The following ACER3 variants were observed in gnomAD, a reference collection of about 807,000 sequenced individuals.
ACER3 encodes the protein alkCDase 3.
ACER3 carries 16 observed loss-of-function variants against 48.9 expected under a neutral mutation model. That is an observed-to-expected ratio of 0.33 (90% CI 0.22 to 0.50). The LOEUF (loss-of-function observed/expected upper bound fraction) is 0.50, where lower values mean the gene tolerates loss of function less well. Ranked by LOEUF, ACER3 falls within the 20% of genes least tolerant of loss-of-function variation. ACER3 has a pLI of 0.98. For missense variants in ACER3, 227 were observed against 326.0 expected (o/e 0.70, Z 2.34); for synonymous variants, 109 against 107.8 (o/e 1.01, Z -0.07).
intron 7 of ACER3, among the ~76,000 whole-genome samples, chr11:77,005,980 T>TATATATTATATATATATAC (rs71043529): frequency 1.5e-4 from 6 of 39,846 alleles, no homozygotes; most frequent in South Asian, 3.0e-3. Context: ...TACATATATA[T>TATATATTATATATATATAC]ATATATATAT....
At chr11:76,944,223 T>G (rs1360867353) in intron 2 of ACER3, among the ~76,000 whole-genome samples, 1 of 152,114 alleles carries the variant, frequency 6.6e-6, no homozygotes, top group East Asian at 1.9e-4. Context: ...TGTCTTTTTG[T>G]CTTTGTGGTT....
At chr11:76,898,136 C>A (rs899120973) in intron 1 of ACER3, among the ~76,000 whole-genome samples, 4 of 151,960 alleles carry the variant, frequency 2.6e-5, no homozygotes, top group Non-Finnish European at 1.5e-5. Context: ...CAAAAGTGTA[C>A]CTACCATTGC....
At chr11:76,936,812 G>C (rs976358151) in intron 2 of ACER3, among the ~76,000 whole-genome samples, 6 of 151,564 alleles carry the variant, frequency 4.0e-5, no homozygotes, top group Admixed American at 1.3e-4. Context: ...CCCCCACCTG[G>C]GTTCAGGCAG....
chr11:76,884,116 C>T (rs1221188357), intron 1 of ACER3, among the ~76,000 whole-genome samples: 1 of 152,146 alleles, frequency 6.6e-6, no homozygotes, highest in East Asian at 1.9e-4. Flanking sequence ...ATTTCTTCCC[C>T]TATTAGTTCT....
intron 2 of ACER3, among the ~76,000 whole-genome samples, chr11:76,933,280 T>A (rs186198165): frequency 3.3e-5 from 5 of 150,168 alleles, no homozygotes; most frequent in African/African-American, 1.2e-4. Flanking sequence ...ATTTTTATTT[T>A]TTTTATTTTT....
intron 1 of ACER3, among the ~76,000 whole-genome samples, chr11:76,924,912 G>A (rs1946779559): frequency 7.2e-6 from 1 of 139,284 alleles, no homozygotes; most frequent in African/African-American, 2.6e-5. Context: ...GGAGGTGGAG[G>A]TTGCAGTGAG....
At chr11:76,937,921 A>C (rs1273867330) in intron 2 of ACER3, among the ~76,000 whole-genome samples, 1 of 152,200 alleles carries the variant, frequency 6.6e-6, no homozygotes, top group Non-Finnish European at 1.5e-5. Context: ...ACGTTTATTT[A>C]CTATATGTTT....
intron 7 of ACER3, among the ~76,000 whole-genome samples, chr11:77,011,975 T>C (rs1186960480): frequency 1.3e-5 from 2 of 152,076 alleles, no homozygotes; most frequent in Non-Finnish European, 2.9e-5. Flanking sequence ...AGTCATGACA[T>C]GTATTTTTTT....
At chr11:76,972,970 C>G (rs1948345813) in intron 3 of ACER3, among the ~76,000 whole-genome samples, 1 of 152,270 alleles carries the variant, frequency 6.6e-6, no homozygotes, top group Non-Finnish European at 1.5e-5. Context: ...ACTGATGGTT[C>G]CTATACCCAT....
intron 2 of ACER3, among the ~76,000 whole-genome samples, chr11:76,941,707 A>T (rs1947347003): frequency 6.6e-6 from 1 of 152,010 alleles, no homozygotes; most frequent in Admixed American, 6.5e-5. Context: ...TGATATTTTG[A>T]TAGGGATTTC....
chr11:76,940,798 G>T (rs555043569), intron 2 of ACER3, among the ~76,000 whole-genome samples: 1 of 152,120 alleles, frequency 6.6e-6, no homozygotes. Context: ...CTTCCTAAAA[G>T]TAGGGTTGAG....
rs772891253 is a variant in ACER3, at chr11:76,976,314, A to G, written c.293A>G (p.Tyr98Cys). The G allele has an allele frequency of 2.5e-6, 4 of 1,605,886 alleles. No individual in the cohort carries two copies. The highest frequency in any genetic ancestry group is 3.4e-6 in the Non-Finnish European group (4 of 1,175,336). ...CTATTGGATGAACTCCCAATGATAT[A>G]CAGCTGTTGCATATTTGTGTACTGC... ...MQLLDELPMIYSCCIFVYCMF... is the reference protein window; with the variant it reads ...MQLLDELPMICSCCIFVYCMF... Residue 98 changes from tyrosine (Y) to cysteine (C), a missense_variant, in exon 4 of 11, where the codon TAC becomes TGC. Physicochemically the swap from Tyr to Cys is radical, Grantham distance 194. Around this residue, in one of 3 missense-constraint regions of ACER3, gnomAD observed 195 missense variants for 290.8 expected, o/e 0.67. Coordinates refer to ENST00000532485, the MANE Select transcript of ACER3 (RefSeq NM_018367.7).
chr11:76,971,634 C>T (rs1948310479), intron 3 of ACER3, among the ~76,000 whole-genome samples: 1 of 151,974 alleles, frequency 6.6e-6, no homozygotes, highest in South Asian at 2.1e-4. Context: ...ATATGAAAAA[C>T]TCAAACGGTC....
chr11:76,939,038 C>T (rs1175886291), intron 2 of ACER3, among the ~76,000 whole-genome samples: 1 of 150,070 alleles, frequency 6.7e-6, no homozygotes, highest in East Asian at 1.9e-4. Flanking sequence ...ACAATCTGAA[C>T]TTAATAATCT....
intron 7 of ACER3, among the ~76,000 whole-genome samples, chr11:77,005,992 T>TACATATATATATATATA: frequency 1.4e-5 from 1 of 70,582 alleles, no homozygotes; most frequent in African/African-American, 5.5e-5. Context: ...TATATATATA[T>TACATATATATATATATA]TTTTTTTTTT....
At chr11:76,956,535 A>G (rs1947846329) in intron 2 of ACER3, among the ~76,000 whole-genome samples, 1 of 152,120 alleles carries the variant, frequency 6.6e-6, no homozygotes, top group Admixed American at 6.5e-5. Flanking sequence ...TGGCTCTGTG[A>G]GCAAAAGCAG....
chr11:76,907,857 T>A (rs1166986946), intron 1 of ACER3, among the ~76,000 whole-genome samples: 1 of 145,308 alleles, frequency 6.9e-6, no homozygotes, highest in African/African-American at 2.5e-5. Flanking sequence ...GGCGACACAG[T>A]GAGATCCTGT....
intron 4 of ACER3, among the ~76,000 whole-genome samples, chr11:76,985,092 C>T (rs7943396): frequency 0.11 from 16,898 of 152,122 alleles, 3,102 homozygotes; most frequent in African/African-American, 0.38. Flanking sequence ...TGGCTGCCCC[C>T]AAATATCAGC....
At chr11:76,950,398 TATATATATATATA>T (rs869113877) in intron 2 of ACER3, among the ~76,000 whole-genome samples, 477 of 30,910 alleles carry the variant, frequency 0.015, 78 homozygotes, top group Non-Finnish European at 0.023. Flanking sequence ...TATATATATA[TATATATATATATA>T]ATTTACACAT....
Sources: allele counts gnomAD v4.1 joint callset (sites outside exome capture counted in the v4.1 genomes callset), GRCh38; gene constraint gnomAD v4.1.1; regional missense constraint gnomAD v4.1.1; transcripts MANE v1.5; gene names NCBI Gene and HGNC (gene_info 2026-07-23, HGNC 2026-07-21).